The following GLB1 variants were observed in gnomAD, a reference collection of about 807,000 sequenced individuals.
GLB1 encodes the protein beta-galactosidase.
Under a neutral mutation model 74.0 loss-of-function variants are expected in GLB1, and 56 were observed. The observed-to-expected ratio is 0.76, with a 90% confidence interval of 0.61 to 0.94. The LOEUF is 0.94. GLB1 is among the 40% of genes least tolerant of loss of function. The pLI is 0.00. For missense variants in GLB1, 787 were observed against 845.5 expected, an observed-to-expected ratio of 0.93 and a Z score of 0.86; for synonymous variants, 323 against 323.6, an observed-to-expected ratio of 1.00 and a Z score of 0.02.
chr3:33,049,526 C>CCTG (rs1698890337), intron 9 of GLB1, among the ~76,000 whole-genome samples: 1 of 152,174 alleles, frequency 6.6e-6, no homozygotes, highest in African/African-American at 2.4e-5. Context: ...AAGTGATTCT[C>CCTG]CTGCCTCAGT....
chr3:33,042,989 G>A (rs944024597), intron 10 of GLB1, among the ~76,000 whole-genome samples: 1 of 152,178 alleles, frequency 6.6e-6, no homozygotes, highest in African/African-American at 2.4e-5. Context: ...AGCCATTGTA[G>A]TAATGCCCCA....
At chr3:32,968,402 C>A in the GLB1 span, among the ~76,000 whole-genome samples, 1 of 152,102 alleles carries the variant, frequency 6.6e-6, no homozygotes, top group Non-Finnish European at 1.5e-5. Flanking sequence ...AAACCCAAGA[C>A]CCCCTGCACC....
the GLB1 span, among the ~76,000 whole-genome samples, chr3:32,986,584 G>A: frequency 6.9e-6 from 1 of 144,826 alleles, no homozygotes; most frequent in Non-Finnish European, 1.5e-5. Context: ...CATCTACATA[G>A]ACTGTTTCTC....
chr3:33,038,283 T>C (rs1166356097), intron 10 of GLB1, among the ~76,000 whole-genome samples: 1 of 152,176 alleles, frequency 6.6e-6, no homozygotes, highest in Non-Finnish European at 1.5e-5. Context: ...TGTATAATGA[T>C]TAAGTGGATG....
At chr3:32,995,990 C>T (rs1282685012), downstream of GLB1, among the ~76,000 whole-genome samples, 1 of 152,118 alleles carries the variant, frequency 6.6e-6, no homozygotes, top group African/African-American at 2.4e-5. Flanking sequence ...TTGTGCAACA[C>T]AAGCATGTAT....
intron 1 of GLB1, chr3:33,091,923 T>C: frequency 2.0e-6 from 2 of 985,420 alleles, no homozygotes; most frequent in Non-Finnish European, 2.4e-6. Context: ...AAGCACCGCT[T>C]TTACTGGGAG....
intron 1 of GLB1, chr3:33,090,870 A>G: frequency 1.0e-6 from 1 of 985,454 alleles, no homozygotes; most frequent in Non-Finnish European, 1.2e-6. Context: ...TGAAGGGTAC[A>G]TAAGACCACA....
At chr3:33,080,139 T>C (rs905710197) in intron 1 of GLB1, among the ~76,000 whole-genome samples, 5 of 152,194 alleles carry the variant, frequency 3.3e-5, no homozygotes, top group Middle Eastern at 6.8e-3. Flanking sequence ...GTTTCACTCT[T>C]GTGGCCCAGG....
At chr3:33,005,785 C>T (rs1482156541) in intron 15 of GLB1, among the ~76,000 whole-genome samples, 4 of 152,134 alleles carry the variant, frequency 2.6e-5, no homozygotes, top group African/African-American at 9.7e-5. Flanking sequence ...TGTGAGCCAT[C>T]GCGTCGGCCA....
chr3:32,989,380 C>T, the GLB1 span, among the ~76,000 whole-genome samples: 32 of 152,300 alleles, frequency 2.1e-4, no homozygotes, highest in Middle Eastern at 3.4e-3. Flanking sequence ...TTCCGGCTCA[C>T]GAAACTCTTC....
intron 13 of GLB1, among the ~76,000 whole-genome samples, chr3:33,017,954 T>A (rs1697302034): frequency 6.6e-6 from 1 of 151,970 alleles, no homozygotes; most frequent in South Asian, 2.1e-4. Context: ...GCATGAGGCC[T>A]CACAGCAAGC....
chr3:33,021,997 G>A (rs996909999), intron 11 of GLB1, among the ~76,000 whole-genome samples: 1 of 152,088 alleles, frequency 6.6e-6, no homozygotes, highest in Non-Finnish European at 1.5e-5. Flanking sequence ...GAACACCCCC[G>A]AGTAAAACAA....
intron 10 of GLB1, among the ~76,000 whole-genome samples, chr3:33,036,013 A>G (rs1698261666): frequency 6.6e-6 from 1 of 152,232 alleles, no homozygotes. Flanking sequence ...GGTTTATACC[A>G]TACAGTGAGA....
chr3:33,008,667 G>T (rs1696883195), intron 15 of GLB1, among the ~76,000 whole-genome samples: 1 of 152,164 alleles, frequency 6.6e-6, no homozygotes, highest in African/African-American at 2.4e-5. Context: ...GGGGATGGTA[G>T]CCACGATGAA....
chr3:33,005,266 G>A (rs1455679632), intron 15 of GLB1, among the ~76,000 whole-genome samples: 5 of 152,152 alleles, frequency 3.3e-5, no homozygotes, highest in Non-Finnish European at 7.3e-5. Context: ...GGGTTTTAGG[G>A]CCCTGGAACC....
intron 2 of GLB1, 70 bp from the exon 3 acceptor site, chr3:33,069,040 G>A (rs1699799849): frequency 2.5e-6 from 4 of 1,612,542 alleles, no homozygotes; most frequent in Non-Finnish European, 3.4e-6. Context: ...TGGGGAAAGG[G>A]CCTCATTAGG....
chr3:33,086,799 T>C (rs1700518258), intron 1 of GLB1, among the ~76,000 whole-genome samples: 1 of 152,092 alleles, frequency 6.6e-6, no homozygotes, highest in African/African-American at 2.4e-5. Flanking sequence ...AAGGGGATGT[T>C]ATAGACTTAA....
Position 33,093,163 on chromosome 3 carries a change from A to C in GLB1, c.75+3848T>G. The C allele has an allele frequency of 6.2e-7, 1 of 1,614,172 alleles. No homozygotes were observed. The highest frequency in any genetic ancestry group is 8.5e-7 in the Non-Finnish European group (1 of 1,180,040). ...TTGTCAAGATCCATGCCATGGCCAG[A>C]GTAGTGCAGGATGTCTGCTTCAATA... On this transcript the variant is annotated intron_variant, in intron 1 of 15. Coordinates refer to ENST00000307363, the MANE Select transcript of GLB1 (RefSeq NM_000404.4). This position sits in a 1 kb window ranked among gnomAD's most constrained non-coding sequence, Gnocchi z 6.0.
intron 1 of GLB1, chr3:33,090,779 T>C: frequency 3.0e-6 from 3 of 984,994 alleles, no homozygotes; most frequent in Non-Finnish European, 3.6e-6. Context: ...GGTGTTGATG[T>C]TGTTTCTCAG....
Sources: gnomAD v4.1 joint callset for allele counts (sites outside exome capture counted in the v4.1 genomes callset) on GRCh38, gnomAD v4.1.1 for gene constraint, Gnocchi (gnomAD v3.1) non-coding constraint, MANE v1.5 for transcripts, NCBI Gene and HGNC (gene_info 2026-07-23, HGNC 2026-07-21) for gene names.